GPR83: variants seen among roughly 807,000 people sequenced by gnomAD.
GPR83 encodes G protein-coupled receptor 83.
In GPR83, 23 loss-of-function variants were observed where a neutral mutation model predicts 28.0. The observed-to-expected ratio is 0.82, with a 90% CI of 0.59 to 1.16. The LOEUF is 1.16. Ranked by LOEUF, GPR83 falls within the 50% of genes most tolerant of loss-of-function variation. GPR83 has a pLI of 0.00. For missense variants in GPR83, 610 were observed against 536.6 expected, an observed-to-expected ratio of 1.14 and a Z score of -1.35; for synonymous variants, 234 against 215.4, an observed-to-expected ratio of 1.09 and a Z score of -0.76.
intron 3 of GPR83, among the ~76,000 whole-genome samples, chr11:94,381,412 T>C (rs557388831): frequency 1.3e-5 from 2 of 152,100 alleles, no homozygotes; most frequent in Non-Finnish European, 2.9e-5. Context: ...TGTGGAAAGG[T>C]AGAAGGGCAG....
chr11:94,385,200 G>A lies in GPR83; in HGVS notation c.648-4427C>T, dbSNP rs191100667. ...ATCCACACCAAAACCCCATCTGTAC[G>A]TCACCATCATCAAAGACCAAAGATA... On this transcript the variant is annotated intron_variant, in intron 3 of 3. Coordinates refer to ENST00000243673, the MANE Select transcript of GPR83 (RefSeq NM_016540.4). 2.0e-4 allele frequency among the ~76,000 whole-genome samples: 31 copies of A among 152,226 alleles called. 2 individuals carry two copies. Among genetic ancestry groups the A allele is most frequent in the African/African-American group, 6.5e-4 (27 of 41,528 alleles).
At position 94,396,406 on chromosome 11, in the gene GPR83, C is replaced by A. The variant is rs1004462961; in HGVS notation, c.506G>T (p.Arg169Leu). ...AGGGGTAGGTGCCCTCACCTGGTGG[C>A]GATCCACCGCAATGGCTGTCAGTGT... Reference protein sequence around the residue: ...ALTLTAIAVDRHQVIMHPLKP... With the variant: ...ALTLTAIAVDLHQVIMHPLKP... The change falls in exon 2 of 4, where the codon CGC becomes CTC. Residue 169 changes from arginine (R) to leucine (L), a missense_variant. Coordinates refer to ENST00000243673, the MANE Select transcript of GPR83 (RefSeq NM_016540.4). 3 of 1,613,142 alleles carry A rather than the reference C, an allele frequency of 1.9e-6. No individual in the cohort carries two copies. The highest frequency in any genetic ancestry group is 1.7e-6 in the Non-Finnish European group (2 of 1,179,520).
At chr11:94,384,658 G>A (rs1361460547) in intron 3 of GPR83, among the ~76,000 whole-genome samples, 3 of 152,306 alleles carry the variant, frequency 2.0e-5, no homozygotes, top group South Asian at 2.1e-4. Flanking sequence ...GGGGAGGAGC[G>A]TCCGCCATTG....
At chr11:94,390,347 C>CA (rs1252654914) in intron 3 of GPR83, among the ~76,000 whole-genome samples, 1 of 151,752 alleles carries the variant, frequency 6.6e-6, no homozygotes, top group Non-Finnish European at 1.5e-5. Context: ...AGATTTATGA[C>CA]AAACCCATAG....
In GPR83 at chr11:94,377,546, C is replaced by A. The variant is rs1395975382; in HGVS notation, c.*2603G>T. Reference sequence around the variant, plus strand: ...ACTTGGCAGTACTGAAGGTCCCGGACTAACAATGATTCAACTTAGGATTTT... The same window carrying A: ...ACTTGGCAGTACTGAAGGTCCCGGAATAACAATGATTCAACTTAGGATTTT... On this transcript the variant is annotated 3_prime_UTR_variant, in exon 4 of 4. Coordinates refer to ENST00000243673, the MANE Select transcript of GPR83 (RefSeq NM_016540.4). 3 of 152,076 alleles carry A rather than the reference C, an allele frequency of 2.0e-5. No individual in the cohort carries two copies. The allele number at this position is 152,076 out of a possible 1,614,324, so 9.4% of individuals were successfully genotyped here.
chr11:94,383,790 T>C (rs760204984), intron 3 of GPR83, among the ~76,000 whole-genome samples: 1 of 152,036 alleles, frequency 6.6e-6, no homozygotes, highest in Non-Finnish European at 1.5e-5. Flanking sequence ...CAGGAAGAAG[T>C]CAAATCCCTG....
intron 3 of GPR83, among the ~76,000 whole-genome samples, chr11:94,381,371 G>C (rs185418688): frequency 9.9e-5 from 15 of 152,092 alleles, no homozygotes; most frequent in Admixed American, 9.2e-4. Context: ...AACTTCCTTT[G>C]CTTTTTTTAG....
rs911786687 is a variant in GPR83 at position 94,377,488 on chromosome 11, G to C, written c.*2661C>G. 1 of 151,992 alleles carries C rather than the reference G, an allele frequency of 6.6e-6. No individual in the cohort carries two copies. The highest frequency in any genetic ancestry group is 2.4e-5 in the African/African-American group (1 of 41,438). The allele number at this position is 151,992 out of a possible 1,614,324, so 9.4% of individuals were successfully genotyped here. On this transcript the variant is annotated 3_prime_UTR_variant, in exon 4 of 4. Transcript: ENST00000243673. Reference sequence around the variant, plus strand: ...GGACAGATCTAATGAGCCATCAGTGGGTTCTCCCCAGAGTAAAAGGGTTTT... The same window carrying C: ...GGACAGATCTAATGAGCCATCAGTGCGTTCTCCCCAGAGTAAAAGGGTTTT...
intron 1 of GPR83, among the ~76,000 whole-genome samples, chr11:94,398,992 G>T (rs1342799653): frequency 6.6e-6 from 1 of 152,170 alleles, no homozygotes; most frequent in African/African-American, 2.4e-5. Flanking sequence ...TCTGGGGCAG[G>T]TATTGCCAGC....
intron 3 of GPR83, among the ~76,000 whole-genome samples, chr11:94,383,435 C>T (rs1422109700): frequency 6.6e-6 from 1 of 152,062 alleles, no homozygotes; most frequent in Non-Finnish European, 1.5e-5. Flanking sequence ...ACTCAAGAAG[C>T]AACAGCAAAC....
intron 3 of GPR83, among the ~76,000 whole-genome samples, chr11:94,390,604 T>C (rs1005037318): frequency 4.6e-5 from 7 of 152,178 alleles, no homozygotes; most frequent in Admixed American, 4.6e-4. Context: ...CTCCTTAAGC[T>C]GATAAGCAAC....
At position 94,395,992 on chromosome 11, in the gene GPR83, G is replaced by A. The variant is rs563898453; in HGVS notation, c.513+407C>T. ...TCCAGCACTTTGGGAGGCTGAGGCGGGTGGATCACCTGAGGTCAGGAGTTC... is the reference window on the plus strand; with the variant it reads ...TCCAGCACTTTGGGAGGCTGAGGCGAGTGGATCACCTGAGGTCAGGAGTTC... On this transcript the variant is annotated intron_variant, in intron 2 of 3. Transcript: ENST00000243673. 2.0e-5 allele frequency among the ~76,000 whole-genome samples: 3 copies of A among 152,354 alleles called. No individual in the cohort carries two copies. The Middle Eastern group carries it at 0.01, about 518-fold the overall frequency.
rs780473862 is a variant in GPR83, at chr11:94,401,116, C to G, written c.132G>C (p.Trp44Cys). 7 of 1,614,210 alleles carry G rather than the reference C, an allele frequency of 4.3e-6. 1 individual carries two copies. In the Admixed American group the frequency reaches 1.0e-4, roughly 23 times the overall value. Residue 44 changes from tryptophan (W) to cysteine (C), a missense_variant, in exon 1 of 4, where the codon TGG (tryptophan) becomes TGC (cysteine). By Grantham distance (215) the Trp-to-Cys change is radical. Transcript: ENST00000243673. ...GCCAGTCGGAGAAGGTGTAGTTGTTCCAAGAGAAGAAGTGCGAGGCATTGG... is the reference window on the plus strand; with the variant it reads ...GCCAGTCGGAGAAGGTGTAGTTGTTGCAAGAGAAGAAGTGCGAGGCATTGG... The part of the protein sequence containing the change: ...AVPNASHFFS[W>C]NNYTFSDWQN...
At position 94,401,269 on chromosome 11, in the gene GPR83, CT is replaced by C; in HGVS notation, c.-23del. 6.4e-7 allele frequency: 1 copy of C among 1,560,732 alleles called. No individual in the cohort carries two copies. Among genetic ancestry groups the C allele is most frequent in the Non-Finnish European group, 8.6e-7 (1 of 1,159,094 alleles). On this transcript the variant is annotated 5_prime_UTR_variant, in exon 1 of 4. Coordinates refer to ENST00000243673, the MANE Select transcript of GPR83 (RefSeq NM_016540.4). The stretch of plus-strand genomic sequence containing the variant: ...CCATTTTGCAGGAGCCACCCCTCCC[CT>C]GGGAGCCTGCGGGCCGGGCGTCCCC...
intron 3 of GPR83, among the ~76,000 whole-genome samples, chr11:94,383,471 G>A (rs1444330071): frequency 6.6e-6 from 1 of 152,060 alleles, no homozygotes; most frequent in East Asian, 1.9e-4. Flanking sequence ...CAGAAGGCAA[G>A]AAATAACAAA....
chr11:94,381,584 C>CGTGT (rs5793679), intron 3 of GPR83, among the ~76,000 whole-genome samples: 78,792 of 141,738 alleles, frequency 0.56, 21,249 homozygotes, highest in East Asian at 0.65. Context: ...TGTGTGCGCG[C>CGTGT]GTGCTGCAGG....
chr11:94,393,664 C>A, intron 2 of GPR83, 46 bp from the exon 3 acceptor site: 1 of 1,604,886 alleles, frequency 6.2e-7, no homozygotes, highest in Non-Finnish European at 8.5e-7. Flanking sequence ...CGTTTTGGAG[C>A]AAATCAGAAA....
intron 1 of GPR83, 133 bp downstream of exon 1, chr11:94,400,728 A>T: frequency 1.4e-6 from 1 of 712,268 alleles, no homozygotes; most frequent in South Asian, 1.9e-5. Flanking sequence ...AGGAGAAATG[A>T]GGAGGAAGAG....
intron 3 of GPR83, 88 bp downstream of exon 3, chr11:94,393,397 G>A: frequency 8.1e-7 from 1 of 1,228,020 alleles, no homozygotes. Context: ...ACAGTTGTGA[G>A]CTCCTGGGGG....
Sources: allele counts gnomAD v4.1 joint callset (sites outside exome capture counted in the v4.1 genomes callset), GRCh38; gene constraint gnomAD v4.1.1; transcripts MANE v1.5; gene names NCBI Gene and HGNC (gene_info 2026-07-23, HGNC 2026-07-21).